Variants in CCN4 observed in about 807,000 individuals in gnomAD.
CCN4 encodes CCN family member 4.
Under a neutral mutation model 36.7 loss-of-function variants are expected in CCN4, and 30 were observed. The ratio of observed to expected loss-of-function variants is 0.82; its 90% confidence interval spans 0.61 to 1.11. The LOEUF (loss-of-function observed/expected upper bound fraction) is 1.11, where lower values mean the gene tolerates loss of function less well. Ranked by LOEUF, CCN4 falls within the 50% of genes least tolerant of loss-of-function variation. The pLI is 0.00. For missense variants in CCN4, 505 were observed against 504.9 expected (o/e 1.00, Z 0.00); for synonymous variants, 191 against 195.4 (o/e 0.98, Z 0.19).
intron 1 of CCN4, among the ~76,000 whole-genome samples, chr8:133,209,749 G>T (rs565362046): frequency 7.2e-5 from 11 of 152,228 alleles, no homozygotes; most frequent in Non-Finnish European, 1.2e-4. Context: ...TGGGGTCAGG[G>T]AGGACACACA....
intron 2 of CCN4, among the ~76,000 whole-genome samples, chr8:133,213,983 TA>T (rs1564260978): frequency 0.19 from 101 of 526 alleles, no homozygotes; most frequent in African/African-American, 0.28. Flanking sequence ...CTATATATAG[TA>T]GTTATATATA....
chr8:133,226,292 C>T (rs1161639284), intron 4 of CCN4, among the ~76,000 whole-genome samples: 1 of 152,184 alleles, frequency 6.6e-6, no homozygotes, highest in Non-Finnish European at 1.5e-5. Flanking sequence ...TTTTGGAATG[C>T]TGATGGTTTC....
At chr8:133,191,976 T>C (rs1231831243) in intron 1 of CCN4, among the ~76,000 whole-genome samples, 1 of 152,046 alleles carries the variant, frequency 6.6e-6, no homozygotes, top group African/African-American at 2.4e-5. Context: ...GAGTCACATA[T>C]GTGACCGTGT....
chr8:133,196,209 G>A (rs532605529), intron 1 of CCN4, among the ~76,000 whole-genome samples: 74 of 152,304 alleles, frequency 4.9e-4, no homozygotes, highest in Middle Eastern at 6.8e-3. Flanking sequence ...ATGAGGCAGC[G>A]GTGTTGCTGT....
intron 1 of CCN4, among the ~76,000 whole-genome samples, chr8:133,201,604 G>A (rs191474970): frequency 1.3e-5 from 2 of 152,298 alleles, no homozygotes; most frequent in East Asian, 3.9e-4. Flanking sequence ...CACTTTGGGA[G>A]GCTGAAGTGG....
chr8:133,213,729 T>G (rs1854155225), intron 2 of CCN4, among the ~76,000 whole-genome samples: 1 of 147,444 alleles, frequency 6.8e-6, no homozygotes, highest in Admixed American at 6.8e-5. Flanking sequence ...AGAAATATAA[T>G]ATAAAGATAA....
intron 1 of CCN4, among the ~76,000 whole-genome samples, chr8:133,194,981 AGTGTGTATGTGGTTT>A (rs1270218902): frequency 1.3e-5 from 1 of 79,408 alleles, no homozygotes; most frequent in Non-Finnish European, 2.5e-5. Flanking sequence ...GTGTGTGTTG[AGTGTGTATGTGGTTT>A]GTGTGTGTGT....
At chr8:133,195,257 GT>G (rs1270705760) in intron 1 of CCN4, among the ~76,000 whole-genome samples, 1 of 148,992 alleles carries the variant, frequency 6.7e-6, no homozygotes, top group African/African-American at 2.5e-5. Context: ...TATGTGGTGT[GT>G]TTTTGTAGTG....
At chr8:133,191,795 T>C (rs1039643975) in intron 1 of CCN4, among the ~76,000 whole-genome samples, 40 of 152,150 alleles carry the variant, frequency 2.6e-4, no homozygotes, top group African/African-American at 9.4e-4. Flanking sequence ...TCACCTCCGG[T>C]CTGCACAGCC....
chr8:133,216,657 C>T (rs534698126), intron 2 of CCN4, among the ~76,000 whole-genome samples: 16 of 152,294 alleles, frequency 1.1e-4, no homozygotes, highest in East Asian at 7.7e-4. Flanking sequence ...CACTACTCTA[C>T]GTTTAAATGA....
rs181083796 is a variant in CCN4, at chr8:133,196,541, G to A, written c.69+5328G>A. On this transcript the variant is annotated intron_variant, in intron 1 of 4. Coordinates refer to ENST00000250160, the MANE Select transcript of CCN4 (RefSeq NM_003882.4). The stretch of plus-strand genomic sequence containing the variant: ...TTATTGTATTTTACTAGATGGTGTC[G>A]GCCTAGAAAGACACAAGTGTGCCTA... Among the ~76,000 whole-genome samples, 132 of 152,074 alleles carry A rather than the reference G, an allele frequency of 8.7e-4. 2 individuals carry two copies. The highest frequency in any genetic ancestry group is 7.5e-3 in the Admixed American group (115 of 15,282).
intron 1 of CCN4, among the ~76,000 whole-genome samples, chr8:133,194,299 T>TGG (rs1435557572): frequency 2.5e-5 from 3 of 121,888 alleles, no homozygotes; most frequent in Non-Finnish European, 5.1e-5. Flanking sequence ...GTCTGGTGTG[T>TGG]GTGTGTGGTG....
Position 133,227,853 on chromosome 8 carries a change from G to A in CCN4, c.*143G>A. 1.1e-6 allele frequency: 1 copy of A among 888,120 alleles called. No homozygotes were observed. Among genetic ancestry groups the A allele is most frequent in the East Asian group, 2.6e-5 (1 of 37,926 alleles). The allele number at this position is 888,120 out of a possible 1,614,324, so 55.0% of individuals were successfully genotyped here. Reference sequence around the variant, plus strand: ...CATTTCTGTCTCTAACCATTCAAATGACGCCTGATGGTGCTGCTCAGGCCC... The same window carrying A: ...CATTTCTGTCTCTAACCATTCAAATAACGCCTGATGGTGCTGCTCAGGCCC... On this transcript the variant is annotated 3_prime_UTR_variant, in exon 5 of 5. Coordinates refer to ENST00000250160, the MANE Select transcript of CCN4 (RefSeq NM_003882.4).
At chr8:133,198,782 C>A (rs113021083) in intron 1 of CCN4, among the ~76,000 whole-genome samples, 26 of 152,314 alleles carry the variant, frequency 1.7e-4, no homozygotes, top group African/African-American at 6.0e-4. Context: ...TTTGAGCCAC[C>A]CTCCCTCCTC....
At chr8:133,209,395 T>G (rs929739709) in intron 1 of CCN4, among the ~76,000 whole-genome samples, 53 of 152,174 alleles carry the variant, frequency 3.5e-4, no homozygotes, top group Non-Finnish European at 7.3e-5. Flanking sequence ...CCTGCACAGA[T>G]CTTGTCCAGC....
intron 3 of CCN4, 145 bp from the exon 4 acceptor site, chr8:133,225,245 A>G: frequency 1.4e-6 from 1 of 739,158 alleles, no homozygotes; most frequent in Non-Finnish European, 2.2e-6. Flanking sequence ...GCTGGTTAGA[A>G]GCCAACTTGC....
chr8:133,221,858 T>G (rs1284782202), intron 3 of CCN4, among the ~76,000 whole-genome samples: 1 of 150,280 alleles, frequency 6.7e-6, no homozygotes, highest in East Asian at 2.0e-4. Context: ...ATTGGATGAT[T>G]GGATGGATAG....
In CCN4 at chr8:133,227,507, T is replaced by A. The variant is rs1165444613; in HGVS notation, c.901T>A (p.Cys301Ser). The A allele has an allele frequency of 1.9e-6, 3 of 1,614,182 alleles. No individual in the cohort carries two copies. The highest frequency in any genetic ancestry group is 1.1e-5 in the South Asian group (1 of 91,078). The change falls in exon 5 of 5, where the codon TGT (cysteine) becomes AGT (serine). Residue 301 changes from cysteine (C) to serine (S), a missense_variant. Physicochemically the swap from Cys to Ser is moderately radical, Grantham distance 112. Transcript: ENST00000250160. ...ISTRSYQPKY[C>S]GVCMDNRCCI... ...CACACGCTCCTATCAACCCAAGTAC[T>A]GTGGAGTTTGCATGGACAATAGGTG... is the stretch of plus-strand genomic sequence containing the variant.
intron 1 of CCN4, among the ~76,000 whole-genome samples, chr8:133,193,531 C>T (rs755497271): frequency 1.3e-5 from 2 of 152,200 alleles, no homozygotes; most frequent in Non-Finnish European, 2.9e-5. Context: ...ATTTGTTGAG[C>T]ATGTCCGCCA....
Sources: allele counts gnomAD v4.1 joint callset (sites outside exome capture counted in the v4.1 genomes callset), GRCh38; gene constraint gnomAD v4.1.1; transcripts MANE v1.5; gene names NCBI Gene and HGNC (gene_info 2026-07-23, HGNC 2026-07-21).